SFXN3: variants seen among roughly 807,000 people sequenced by gnomAD.
The protein encoded by SFXN3 is sideroflexin-3.
A neutral mutation model predicts 40.4 loss-of-function variants in SFXN3; 31 were observed. The observed-to-expected ratio is 0.77, with a 90% CI of 0.58 to 1.04. The LOEUF is 1.04. SFXN3 is among the 50% of genes least tolerant of loss of function. SFXN3 has a pLI of 0.00. For synonymous variants in SFXN3, 157 were observed against 160.0 expected (o/e 0.98, Z 0.14); for missense variants, 366 against 408.2 (o/e 0.90, Z 0.89).
In SFXN3 at chr10:101,039,956, G is replaced by A. The variant is rs531033391; in HGVS notation, c.*371G>A. The A allele has an allele frequency of 1.1e-4, 26 of 233,000 alleles. No individual in the cohort carries two copies. The South Asian group carries it at 2.0e-3, about 18-fold the overall frequency. The allele number at this position is 233,000 out of a possible 1,614,324, so 14.4% of individuals were successfully genotyped here. A position where few individuals can be genotyped will look rare whatever the true frequency, so the allele number is the denominator to read the frequency against. ...CACCTGCCTGCCAGCCAGGCTACAG[G>A]TGTGACTTCCTTCTCTAAACTGTTA... On this transcript the variant is annotated 3_prime_UTR_variant, in exon 12 of 12. Coordinates refer to ENST00000393459, the Ensembl canonical transcript of SFXN3. The surrounding 1 kb of genome is among the most constrained non-coding windows in gnomAD (Gnocchi z 4.6).
chr10:101,040,964 C>A (rs966972014), exon 12 of SFXN3: 1 of 152,274 alleles, frequency 6.6e-6, no homozygotes, highest in Non-Finnish European at 1.5e-5. Flanking sequence ...CCTGTCCCCA[C>A]CTCCACCCTC....
rs1193870077 is a variant in SFXN3, at chr10:101,037,375, C to T, written c.722-7C>T. 4 of 1,614,164 alleles carry T rather than the reference C, an allele frequency of 2.5e-6. No individual in the cohort carries two copies. The highest frequency in any genetic ancestry group is 2.7e-5 in the African/African-American group (2 of 75,018). On this transcript the variant is annotated splice_region_variant and splice_polypyrimidine_tract_variant and intron_variant, in intron 8 of 11. Transcript: ENST00000393459. ...TGTTCTCCTTCTTGGCCCTGCTCTCCCCACAGCCATCCCACCACTGATCAT... is the reference window on the plus strand; with the variant it reads ...TGTTCTCCTTCTTGGCCCTGCTCTCTCCACAGCCATCCCACCACTGATCAT...
exon 3 of SFXN3, chr10:101,034,754 C>T (rs952297548): frequency 3.1e-6 from 5 of 1,614,066 alleles, no homozygotes; most frequent in African/African-American, 2.7e-5. Flanking sequence ...AAAGTACTTT[C>T]CTGGGCAGAG....
chr10:101,032,863 G>C (rs537615446), intron 2 of SFXN3, among the ~76,000 whole-genome samples: 1 of 152,306 alleles, frequency 6.6e-6, no homozygotes, highest in Admixed American at 6.5e-5. Context: ...TCATTCTGTA[G>C]GATTCTGCCC....
At chr10:101,035,753 G>T (rs1378467419) in intron 4 of SFXN3, 86 bp downstream of exon 4, 4 of 1,506,706 alleles carry the variant, frequency 2.7e-6, no homozygotes, top group Non-Finnish European at 3.6e-6. Context: ...GGCCAACTGG[G>T]TGAGTGAAAG....
rs1938305457 is a variant in SFXN3, at chr10:101,032,426, C to T, written c.-60C>T. On this transcript the variant is annotated 5_prime_UTR_variant, in exon 2 of 12. It introduces an in-frame stop codon into an upstream open reading frame of the 5' UTR. Transcript: ENST00000393459. ...CGTGATGGCTGGGAGGGCCCGGCGG[C>T]GACAGCGGAGGCAGAGAGGAAGGCG... 1.3e-6 allele frequency: 2 copies of T among 1,508,238 alleles called. No homozygotes were observed. The highest frequency in any genetic ancestry group is 2.7e-5 in the East Asian group (1 of 36,782). 93.4% of individuals were successfully genotyped at this position (1,508,238 alleles called of 1,614,324 possible).
At chr10:101,035,741 T>G in intron 4 of SFXN3, 74 bp downstream of exon 4, 3 of 1,526,146 alleles carry the variant, frequency 2.0e-6, no homozygotes, top group Non-Finnish European at 2.7e-6. Flanking sequence ...GCTTCTTGTC[T>G]GGGCCAACTG....
rs1938550157 is a variant in SFXN3 at position 101,035,538 on chromosome 10, G to A, written c.203G>A (p.Trp68Ter). 6.2e-7 allele frequency: 1 copy of A among 1,613,132 alleles called. No homozygotes were observed. Among genetic ancestry groups the A allele is most frequent in the African/African-American group, 1.3e-5 (1 of 74,924 alleles). Residue 68 changes from tryptophan to a stop codon, truncating the protein, a stop_gained, in exon 4 of 12, where the codon TGG (tryptophan) becomes TAG (stop). Transcript: ENST00000393459. LOFTEE classifies it high-confidence loss of function. ...CCAGGGATCACCGAGGACCAGCTGTGGAGGGCCAAGTATGTGTATGACTCC... is the reference window on the plus strand; with the variant it reads ...CCAGGGATCACCGAGGACCAGCTGTAGAGGGCCAAGTATGTGTATGACTCC...
rs1166490164 is a variant in SFXN3, at chr10:101,039,636, T to C, written c.*51T>C. The C allele has an allele frequency of 2.6e-6, 4 of 1,546,262 alleles. No individual in the cohort carries two copies. The highest frequency in any genetic ancestry group is 2.2e-5 in the East Asian group (1 of 44,500). On this transcript the variant is annotated 3_prime_UTR_variant, in exon 12 of 12. Transcript: ENST00000393459. This position sits in a 1 kb window ranked among gnomAD's most constrained non-coding sequence, Gnocchi z 4.6. ...TCACTTCCTTGGGCTGCTGCTTTAG[T>C]GGAGTCATGTCACCCCTACCACTTG...
exon 3 of SFXN3, chr10:101,034,780 C>G: frequency 6.2e-7 from 1 of 1,614,138 alleles, no homozygotes; most frequent in Non-Finnish European, 8.5e-7. Context: ...CACTTTTTCA[C>G]TGTTACTGAT....
At chr10:101,038,917 G>A (rs1938758189) in intron 10 of SFXN3, among the ~76,000 whole-genome samples, 1 of 152,096 alleles carries the variant, frequency 6.6e-6, no homozygotes, top group South Asian at 2.1e-4. Flanking sequence ...TCTATAAGAG[G>A]AAACCATGGA....
chr10:101,032,395 G>T, exon 2 of SFXN3: 1 of 1,445,706 alleles, frequency 6.9e-7, no homozygotes, highest in East Asian at 2.9e-5. Flanking sequence ...CACGCGTGAC[G>T]TCCCGCGTGA....
intron 10 of SFXN3, 100 bp downstream of exon 10, chr10:101,038,792 C>T: frequency 6.5e-7 from 1 of 1,539,230 alleles, no homozygotes; most frequent in Non-Finnish European, 8.9e-7. Context: ...AGACATCATC[C>T]ATTCATACAT....
At position 101,038,117 on chromosome 10, in the gene SFXN3, A is replaced by G. The variant is rs541928244; in HGVS notation, c.772-526A>G. The G allele has an allele frequency of 9.0e-4, 276 of 305,830 alleles. 1 individual carries two copies. Among genetic ancestry groups the G allele is most frequent in the Non-Finnish European group, 1.3e-3 (267 of 198,462 alleles). 18.9% of individuals were successfully genotyped at this position (305,830 alleles called of 1,614,324 possible). On this transcript the variant is annotated intron_variant, in intron 9 of 11. Transcript: ENST00000393459. ...GGGGTCTTTAATGCCGCAAAGGATGAGGAGAGAGCCAAATAACGCAGAGAA... is the reference window on the plus strand; with the variant it reads ...GGGGTCTTTAATGCCGCAAAGGATGGGGAGAGAGCCAAATAACGCAGAGAA...
At chr10:101,035,972 G>A (rs763273084) in intron 4 of SFXN3, 31 bp from the exon 5 acceptor site, 21 of 1,579,406 alleles carry the variant, frequency 1.3e-5, no homozygotes, top group South Asian at 4.4e-5. Context: ...CACTGTAGAC[G>A]GGGCAGAAGT....
rs771715687 is a variant in SFXN3, at chr10:101,036,817, C to T, written c.593+9C>T. On this transcript the variant is annotated intron_variant, in intron 7 of 11. Coordinates refer to ENST00000393459, the Ensembl canonical transcript of SFXN3. This position sits in a 1 kb window ranked among gnomAD's most constrained non-coding sequence, Gnocchi z 4.2. ...CCCCTGATGAGGCAGAGGTGAGTGA[C>T]CCCGGCTCCTGGCATGTGCATGCCC... 1 of 1,612,384 alleles carries T rather than the reference C, an allele frequency of 6.2e-7. No individual in the cohort carries two copies. The highest frequency in any genetic ancestry group is 2.2e-5 in the East Asian group (1 of 44,814).
chr10:101,038,500 G>A (rs1054876629), intron 9 of SFXN3, 143 bp from the exon 10 acceptor site: 6 of 1,525,768 alleles, frequency 3.9e-6, no homozygotes, highest in Non-Finnish European at 5.3e-6. Context: ...TCCCAGCCCT[G>A]TCATTGCCTT....
chr10:101,039,682 C>A lies in SFXN3; in HGVS notation c.*97C>A. 2 of 1,240,566 alleles carry A rather than the reference C, an allele frequency of 1.6e-6. No individual in the cohort carries two copies. Among genetic ancestry groups the A allele is most frequent in the Non-Finnish European group, 1.2e-6 (1 of 847,750 alleles). 76.8% of individuals were successfully genotyped at this position (1,240,566 alleles called of 1,614,324 possible). A position where few individuals can be genotyped will look rare whatever the true frequency, so the allele number is the denominator to read the frequency against. On this transcript the variant is annotated 3_prime_UTR_variant, in exon 12 of 12. Coordinates refer to ENST00000393459, the Ensembl canonical transcript of SFXN3. This position sits in a 1 kb window ranked among gnomAD's most constrained non-coding sequence, Gnocchi z 4.6. The stretch of plus-strand genomic sequence containing the variant: ...ACTTGGCTATCTGCCTAGCACTGGG[C>A]AGGGGCCTTGGTGGGCAGATGGCAA...
intron 1 of SFXN3, 45 bp from the exon 2 acceptor site, chr10:101,032,269 G>A (rs180758571): frequency 8.1e-4 from 435 of 539,694 alleles, no homozygotes; most frequent in Admixed American, 1.4e-3. Context: ...GGTCCAGGTG[G>A]CCCAGGCTGG....
Sources: allele counts gnomAD v4.1 joint callset (sites outside exome capture counted in the v4.1 genomes callset), GRCh38; gene constraint gnomAD v4.1.1; non-coding constraint Gnocchi (gnomAD v3.1); transcripts MANE v1.5; gene names NCBI Gene and HGNC (gene_info 2026-07-23, HGNC 2026-07-21).